Variants in BNC2 observed in about 807,000 individuals in gnomAD.
BNC2 encodes basonuclin zinc finger protein 2.
A neutral mutation model predicts 76.3 loss-of-function variants in BNC2; 20 were observed. The ratio of observed to expected loss-of-function variants is 0.26; its 90% CI spans 0.18 to 0.38. BNC2 has a LOEUF of 0.38. BNC2 is among the 10% of genes least tolerant of loss of function. The pLI, the probability that BNC2 is intolerant of heterozygous loss-of-function variation, is 1.00. For synonymous variants in BNC2, 582 were observed against 514.8 expected, an observed-to-expected ratio of 1.13 and a Z score of -1.77; for missense variants, 1,382 against 1,399.8, an observed-to-expected ratio of 0.99 and a Z score of 0.20.
intron 5 of BNC2, among the ~76,000 whole-genome samples, chr9:16,480,453 T>C (rs1158431462): frequency 1.3e-5 from 2 of 152,166 alleles, no homozygotes; most frequent in Admixed American, 6.5e-5. Flanking sequence ...TGGGAGCCCC[T>C]TTCTGGGCTG....
At chr9:16,652,878 C>G (rs1048055597) in intron 3 of BNC2, among the ~76,000 whole-genome samples, 1 of 152,124 alleles carries the variant, frequency 6.6e-6, no homozygotes, top group Non-Finnish European at 1.5e-5. Context: ...TGGAGGCAAG[C>G]ATTTCTGGCA....
chr9:16,507,365 T>C (rs1822653433), intron 5 of BNC2, among the ~76,000 whole-genome samples: 1 of 149,476 alleles, frequency 6.7e-6, no homozygotes, highest in East Asian at 2.1e-4. Context: ...GTTCAAACGA[T>C]TCTCCTGCCT....
At chr9:16,518,889 C>T (rs763643119) in intron 5 of BNC2, among the ~76,000 whole-genome samples, 1 of 152,238 alleles carries the variant, frequency 6.6e-6, no homozygotes, top group Non-Finnish European at 1.5e-5. Context: ...GCGTGAGCCA[C>T]TGAGCCCGGC....
intron 4 of BNC2, among the ~76,000 whole-genome samples, chr9:16,560,720 G>A (rs758880898): frequency 2.6e-5 from 4 of 152,108 alleles, no homozygotes; most frequent in Admixed American, 1.3e-4. Context: ...GAATGAGACC[G>A]CATCTCTAAA....
At chr9:16,629,219 A>G (rs1821089766) in intron 3 of BNC2, among the ~76,000 whole-genome samples, 1 of 152,236 alleles carries the variant, frequency 6.6e-6, no homozygotes, top group South Asian at 2.1e-4. Flanking sequence ...AATGTTGTAA[A>G]GATGCTTGAT....
At chr9:16,563,713 G>A (rs757555159) in intron 4 of BNC2, among the ~76,000 whole-genome samples, 2 of 152,188 alleles carry the variant, frequency 1.3e-5, no homozygotes, top group Non-Finnish European at 2.9e-5. Context: ...AGTTACAGCT[G>A]TAGAAATGAA....
intron 4 of BNC2, among the ~76,000 whole-genome samples, chr9:16,563,654 G>A (rs1819080003): frequency 1.3e-5 from 2 of 152,168 alleles, no homozygotes; most frequent in Admixed American, 1.3e-4. Flanking sequence ...ATGACAATGT[G>A]GTAACAAACC....
chr9:16,719,447 C>T (rs10962549), intron 3 of BNC2, among the ~76,000 whole-genome samples: 27,006 of 152,138 alleles, frequency 0.18, 2,402 homozygotes, highest in East Asian at 0.27. Flanking sequence ...TCATGTAAAA[C>T]GTTCACTAAC....
intron 4 of BNC2, among the ~76,000 whole-genome samples, chr9:16,560,186 G>T (rs1039325753): frequency 6.6e-6 from 1 of 152,200 alleles, no homozygotes; most frequent in Non-Finnish European, 1.5e-5. Flanking sequence ...GTCTCCAGAA[G>T]ATGCTGATGC....
chr9:16,825,433 G>C (rs1331391351), intron 1 of BNC2, among the ~76,000 whole-genome samples: 1 of 152,074 alleles, frequency 6.6e-6, no homozygotes, highest in Non-Finnish European at 1.5e-5. Context: ...TTACACTTGG[G>C]CTGGAGCTTT....
intron 1 of BNC2, among the ~76,000 whole-genome samples, chr9:16,748,925 T>C (rs1227847066): frequency 1.9e-4 from 1 of 5,404 alleles, no homozygotes; most frequent in South Asian, 5.4e-3. Flanking sequence ...TTTTATACTA[T>C]ATATATATAT....
At chr9:16,631,746 T>C (rs1199670756) in intron 3 of BNC2, among the ~76,000 whole-genome samples, 1 of 152,136 alleles carries the variant, frequency 6.6e-6, no homozygotes, top group East Asian at 1.9e-4. Context: ...AAAATTCAAA[T>C]AATTTATCAC....
chr9:16,436,305 T>C lies in BNC2; in HGVS notation c.1889A>G (p.Lys630Arg). Residue 630 changes from lysine to arginine, a missense_variant, in exon 6 of 7, where the codon AAG becomes AGG. Around this residue, in one of 3 missense-constraint regions of BNC2, gnomAD observed 798 missense variants for 775.5 expected, o/e 1.03. Transcript: ENST00000380672. Reference protein sequence around the residue: ...THEPSADLAPKKKPRKSSMPV... With the variant: ...THEPSADLAPRKKPRKSSMPV... ...CATGCTTGACTTCCTGGGCTTTTTC[T>C]TGGGTGCCAGGTCAGCACTGGGCTC... 1.9e-6 allele frequency: 3 copies of C among 1,614,118 alleles called. No homozygotes were observed. The highest frequency in any genetic ancestry group is 2.5e-6 in the Non-Finnish European group (3 of 1,180,012).
At chr9:16,476,264 T>C (rs899233596) in intron 5 of BNC2, 6 of 152,116 alleles carry the variant, frequency 3.9e-5, no homozygotes, top group African/African-American at 1.4e-4. Context: ...CCTAGGGAAG[T>C]TCTGGAAGAA....
intron 4 of BNC2, among the ~76,000 whole-genome samples, chr9:16,581,877 T>C (rs1416643452): frequency 6.6e-6 from 1 of 152,146 alleles, no homozygotes; most frequent in East Asian, 1.9e-4. Context: ...TGTGGCTGCA[T>C]GGTGGAAACA....
chr9:16,570,292 C>T (rs964033393), intron 4 of BNC2, among the ~76,000 whole-genome samples: 14 of 152,160 alleles, frequency 9.2e-5, no homozygotes, highest in Admixed American at 2.0e-4. Flanking sequence ...TTATTATACT[C>T]AGTCTTGAAA....
intron 1 of BNC2, among the ~76,000 whole-genome samples, chr9:16,870,240 C>A (rs934952904): frequency 5.9e-5 from 9 of 152,158 alleles, no homozygotes; most frequent in African/African-American, 2.2e-4. Flanking sequence ...GCCTTCCTCT[C>A]TTCCCCGAGC....
chr9:16,674,094 T>TA (rs1822564927), intron 3 of BNC2, among the ~76,000 whole-genome samples: 1 of 152,208 alleles, frequency 6.6e-6, no homozygotes, highest in Non-Finnish European at 1.5e-5. Context: ...CTTTTAGATA[T>TA]ATAAGTTCAT....
At chr9:16,746,982 C>T (rs1013512697) in intron 1 of BNC2, among the ~76,000 whole-genome samples, 5 of 151,432 alleles carry the variant, frequency 3.3e-5, no homozygotes, top group Non-Finnish European at 7.4e-5. Flanking sequence ...AAAATTAATC[C>T]ATGTAATTGA....
Sources: allele counts gnomAD v4.1 joint callset (sites outside exome capture counted in the v4.1 genomes callset), GRCh38; gene constraint gnomAD v4.1.1; regional missense constraint gnomAD v4.1.1; transcripts MANE v1.5; gene names NCBI Gene and HGNC (gene_info 2026-07-23, HGNC 2026-07-21).